Variants in IFNA4 observed in about 807,000 individuals in gnomAD.
IFNA4 encodes the protein interferon alpha 4, also known as interferon alpha-4.
For synonymous variants in IFNA4, 84 were observed against 86.0 expected (o/e 0.98, Z 0.13); for missense variants, 225 against 214.9 (o/e 1.05, Z -0.29).
At chr9:21,187,394 T>C in exon 1 of IFNA4, 1 of 1,614,134 alleles carries the variant, frequency 6.2e-7, no homozygotes. Flanking sequence ...AATGAGAGAT[T>C]CTTCCCATTT....
chr9:21,187,125 T>A, exon 1 of IFNA4: 1 of 1,614,084 alleles, frequency 6.2e-7, no homozygotes, highest in Non-Finnish European at 8.5e-7. Context: ...GGAGTCCTCA[T>A]TCATCAGGGG....
At chr9:21,187,530 A>G in exon 1 of IFNA4, 6 of 1,598,442 alleles carry the variant, frequency 3.8e-6, no homozygotes, top group Non-Finnish European at 5.1e-6. Flanking sequence ...GGACAGGGCC[A>G]TTGGGATGTT....
chr9:21,186,791 G>T (rs112624346), exon 1 of IFNA4: 2 of 893,004 alleles, frequency 2.2e-6, no homozygotes, highest in African/African-American at 1.7e-5. Context: ...ATCTGTAAAG[G>T]ACTAGTGCCT....
rs1062584 is a variant in IFNA4, at chr9:21,186,866, G to C, written c.*96C>G. ...ATTTGAAAATTTTGATTCAACTCGT[G>C]GTGGTTATAGAAGTGAGTCTTTGAA... On this transcript the variant is annotated 3_prime_UTR_variant, in exon 1 of 1. Transcript: ENST00000421715. 26 of 1,570,118 alleles carry C rather than the reference G, an allele frequency of 1.7e-5. No homozygotes were observed. In the South Asian group the frequency reaches 1.8e-4, roughly 11 times the overall value.
exon 1 of IFNA4, chr9:21,186,810 A>T: frequency 1.6e-6 from 2 of 1,235,718 alleles, no homozygotes; most frequent in African/African-American, 1.5e-5. Flanking sequence ...CTGCACAGGT[A>T]TACACCAAGC....
exon 1 of IFNA4, chr9:21,186,775 A>C: frequency 1.5e-6 from 1 of 661,430 alleles, no homozygotes; most frequent in Non-Finnish European, 2.4e-6. Context: ...AGACATCAGC[A>C]TTGTCATCTG....
chr9:21,187,393 T>C lies in IFNA4; in HGVS notation c.139A>G (p.Ile47Val), dbSNP rs1293112917. 4 of 1,614,096 alleles carry C rather than the reference T, an allele frequency of 2.5e-6. 1 individual carries two copies. In the South Asian group the frequency reaches 4.4e-5, roughly 18 times the overall value. The stretch of plus-strand genomic sequence containing the variant: ...TCCTTCAGGCAGGAGAAATGAGAGA[T>C]TCTTCCCATTTGTGCCAGGAGTATC... Residue 47 changes from isoleucine (I) to valine (V), a missense_variant, in exon 1 of 1, where the codon ATC (isoleucine) becomes GTC (valine). Transcript: ENST00000421715.
At chr9:21,187,112 G>A in exon 1 of IFNA4, 5 of 1,614,092 alleles carry the variant, frequency 3.1e-6, no homozygotes, top group Non-Finnish European at 4.2e-6. Flanking sequence ...TCACAGCCAG[G>A]ATGGAGTCCT....
exon 1 of IFNA4, chr9:21,186,902 T>A: frequency 5.6e-6 from 9 of 1,597,396 alleles, no homozygotes; most frequent in Non-Finnish European, 7.7e-6. Context: ...ATGGAAGAAC[T>A]CATGAAAGTG....
chr9:21,187,299 G>C, exon 1 of IFNA4: 1 of 1,613,872 alleles, frequency 6.2e-7, no homozygotes, highest in South Asian at 1.1e-5. Context: ...ATGGAGGACA[G>C]AGATGGCTTG....
chr9:21,186,846 A>G lies in IFNA4; in HGVS notation c.*116T>C. 4 of 1,539,286 alleles carry G rather than the reference A, an allele frequency of 2.6e-6. No homozygotes were observed. In the Admixed American group the frequency reaches 6.1e-5, roughly 24 times the overall value. On this transcript the variant is annotated 3_prime_UTR_variant, in exon 1 of 1. Transcript: ENST00000421715. ...TTCTTCACACTGCTGAAAACATTTGAAAATTTTGATTCAACTCGTGGTGGT... is the reference window on the plus strand; with the variant it reads ...TTCTTCACACTGCTGAAAACATTTGGAAATTTTGATTCAACTCGTGGTGGT...
exon 1 of IFNA4, chr9:21,187,359 T>G: frequency 6.2e-7 from 1 of 1,614,166 alleles, no homozygotes; most frequent in Middle Eastern, 1.6e-4. Flanking sequence ...GAATCCGAAA[T>G]CATGTCTGTC....
chr9:21,187,074 TAA>T, the IFNA4 span: 1 of 1,614,080 alleles, frequency 6.2e-7, no homozygotes, highest in Non-Finnish European at 8.5e-7. Context: ...CTCTGTTAGA[TAA>T]AGAGTGATTC....
exon 1 of IFNA4, chr9:21,186,944 T>G (rs1062579): frequency 7.4e-5 from 119 of 1,613,236 alleles, no homozygotes; most frequent in South Asian, 3.6e-4. Flanking sequence ...CAGGATCATT[T>G]CCATGTTGAA....
exon 1 of IFNA4, chr9:21,187,186 G>C: frequency 1.9e-6 from 3 of 1,613,328 alleles, no homozygotes; most frequent in Non-Finnish European, 2.5e-6. Context: ...AGGTCATTCA[G>C]TTGCTGGTAA....
At chr9:21,186,678 A>T (rs1451761023), downstream of IFNA4, 1 of 180,292 alleles carries the variant, frequency 5.5e-6, no homozygotes, top group African/African-American at 2.4e-5. Context: ...TGTTACATTC[A>T]CCACAATGTA....
Position 21,186,832 on chromosome 9 carries a change from G to A in IFNA4, c.*130C>T. 2.0e-6 allele frequency: 3 copies of A among 1,475,610 alleles called. 1 individual carries two copies. The highest frequency in any genetic ancestry group is 2.7e-5 in the South Asian group (2 of 75,276). The allele number at this position is 1,475,610 out of a possible 1,614,324, so 91.4% of individuals were successfully genotyped here. A position where few individuals can be genotyped will look rare whatever the true frequency, so the allele number is the denominator to read the frequency against. ...GGTATACACCAAGCTTCTTCACACT[G>A]CTGAAAACATTTGAAAATTTTGATT... On this transcript the variant is annotated 3_prime_UTR_variant, in exon 1 of 1. Transcript: ENST00000421715.
exon 1 of IFNA4, chr9:21,186,738 TA>T (rs1365638995): frequency 6.0e-5 from 21 of 352,226 alleles, no homozygotes; most frequent in Non-Finnish European, 9.2e-5. Context: ...TAAAAATAAA[TA>T]AATATTTAAA....
chr9:21,186,815 C>T (rs1187019659), exon 1 of IFNA4: 8 of 1,336,696 alleles, frequency 6.0e-6, no homozygotes, highest in Non-Finnish European at 7.2e-6. Flanking sequence ...CAGGTATACA[C>T]CAAGCTTCTT....
Sources: allele counts gnomAD v4.1 joint callset, GRCh38; gene constraint gnomAD v4.1.1; transcripts MANE v1.5; gene names NCBI Gene and HGNC (gene_info 2026-07-23, HGNC 2026-07-21).